The following EIF2AK1 variants were observed in gnomAD, a reference collection of about 807,000 sequenced individuals.
EIF2AK1 encodes the protein eukaryotic translation initiation factor 2-alpha kinase 1.
A neutral mutation model predicts 77.9 loss-of-function variants in EIF2AK1; 54 were observed. The ratio of observed to expected loss-of-function variants is 0.69; its 90% CI spans 0.56 to 0.87. EIF2AK1 has a LOEUF of 0.87. Among genes scored for constraint, EIF2AK1 ranks in the 40% least tolerant of loss-of-function variants. The probability of loss-of-function intolerance (pLI) is 0.00; values close to 1 mark genes in which losing one functional copy is unlikely to be tolerated. For synonymous variants in EIF2AK1, 314 were observed against 290.5 expected (o/e 1.08, Z -0.82); for missense variants, 810 against 768.6 (o/e 1.05, Z -0.64).
chr7:6,058,805 C>T (rs1788867701), intron 1 of EIF2AK1, among the ~76,000 whole-genome samples, 161 bp downstream of exon 1: 1 of 152,248 alleles, frequency 6.6e-6, no homozygotes, highest in Admixed American at 6.5e-5. Flanking sequence ...GACGGCCCGC[C>T]CGCCGCCCCC....
rs1298137075 is a variant in EIF2AK1 at position 6,035,361 on chromosome 7, A to T, written c.1332+2063T>A. The T allele has an allele frequency of 7.9e-7, 1 of 1,266,402 alleles. No individual in the cohort carries two copies. Among genetic ancestry groups the T allele is most frequent in the African/African-American group, 1.5e-5 (1 of 66,406 alleles). 78.4% of individuals were successfully genotyped at this position (1,266,402 alleles called of 1,614,324 possible). ...TTGAAGGGTCTTACTTTAAATAAAT[A>T]CTGGCTTCTTAAGCATTAACTGTCC... is the stretch of plus-strand genomic sequence containing the variant. On this transcript the variant is annotated intron_variant, in intron 11 of 14. Coordinates refer to ENST00000199389, the MANE Select transcript of EIF2AK1 (RefSeq NM_014413.4). The surrounding 1 kb of genome is among the most constrained non-coding windows in gnomAD (Gnocchi z 5.5).
Position 6,046,105 on chromosome 7 carries a change from A to G in EIF2AK1, c.596T>C (p.Leu199Pro). The G allele has an allele frequency of 6.4e-7, 1 of 1,572,426 alleles. No individual in the cohort carries two copies. Among genetic ancestry groups the G allele is most frequent in the Non-Finnish European group, 8.6e-7 (1 of 1,162,362 alleles). ...DGQYYAIKKI[L>P]IKGATKTVCM... ...AACTGTTTTAGTTGCACCCTTAATC[A>G]GGATTTTTTTTATTGCATAATACTG... is the stretch of plus-strand genomic sequence containing the variant. Residue 199 changes from leucine (L) to proline (P), a missense_variant, in exon 6 of 15, where the codon CTG becomes CCG. By Grantham distance (98) the Leu-to-Pro change is moderately conservative. Around this residue, in one of 3 missense-constraint regions of EIF2AK1, gnomAD observed 549 missense variants for 533.7 expected, o/e 1.03. Transcript: ENST00000199389.
Position 6,032,012 on chromosome 7 carries a change from A to G in EIF2AK1, c.1333-2980T>C, listed in dbSNP as rs1787925983. Reference sequence around the variant, plus strand: ...AGCAGGGCAAAACCCCGTCTCTACTAAAAATACAAAAATTAGCCGGGCTTG... The same window carrying G: ...AGCAGGGCAAAACCCCGTCTCTACTGAAAATACAAAAATTAGCCGGGCTTG... On this transcript the variant is annotated intron_variant, in intron 11 of 14. Coordinates refer to ENST00000199389, the MANE Select transcript of EIF2AK1 (RefSeq NM_014413.4). This position sits in a 1 kb window ranked among gnomAD's most constrained non-coding sequence, Gnocchi z 4.3. Among the ~76,000 whole-genome samples, 1 of 152,086 alleles carries G rather than the reference A, an allele frequency of 6.6e-6. No individual in the cohort carries two copies. Among genetic ancestry groups the G allele is most frequent in the Admixed American group, 6.6e-5 (1 of 15,254 alleles).
Position 6,047,320 on chromosome 7 carries a change from A to G in EIF2AK1, c.450-229T>C, listed in dbSNP as rs547437643. 941 of 615,872 alleles carry G rather than the reference A, an allele frequency of 1.5e-3. 2 individuals are homozygous for G. The highest frequency in any genetic ancestry group is 3.5e-3 in the Middle Eastern group (12 of 3,412). 38.2% of individuals were successfully genotyped at this position (615,872 alleles called of 1,614,324 possible). A position where few individuals can be genotyped will look rare whatever the true frequency, so the allele number is the denominator to read the frequency against. ...GTAGAAATTATTACCGATGTTGTAC[A>G]GCAGAAATCCTAAGAATCACTAACA... On this transcript the variant is annotated intron_variant, in intron 4 of 14. Transcript: ENST00000199389.
intron 10 of EIF2AK1, among the ~76,000 whole-genome samples, chr7:6,038,114 G>T (rs894029588): frequency 6.6e-6 from 1 of 152,094 alleles, no homozygotes; most frequent in Non-Finnish European, 1.5e-5. Flanking sequence ...AGGTTTTACA[G>T]GACTAACACA....
At chr7:6,050,679 T>C (rs1788584300) in intron 2 of EIF2AK1, among the ~76,000 whole-genome samples, 1 of 149,780 alleles carries the variant, frequency 6.7e-6, no homozygotes, top group Admixed American at 6.8e-5. Context: ...CTCGGCTCAC[T>C]GCAAGCTCTG....
chr7:6,031,335 T>C (rs1787904386), intron 11 of EIF2AK1: 2 of 1,524,342 alleles, frequency 1.3e-6, no homozygotes, highest in Non-Finnish European at 1.8e-6. Context: ...AACTGACCAA[T>C]TCCATAACAA....
Position 6,027,162 on chromosome 7 carries a change from C to T in EIF2AK1, c.1531-201G>A, listed in dbSNP as rs1394458989. Among the ~76,000 whole-genome samples the T allele has an allele frequency of 6.6e-6, 1 of 152,142 alleles. No homozygotes were observed. The highest frequency in any genetic ancestry group is 1.5e-5 in the Non-Finnish European group (1 of 68,030). On this transcript the variant is annotated intron_variant, in intron 13 of 14. Transcript: ENST00000199389. This position sits in a 1 kb window ranked among gnomAD's most constrained non-coding sequence, Gnocchi z 4.5. ...TCAAAAAGGGGCATCCGTGGGCACG[C>T]AGAATGGATGGTCAGGTGGAGGGCA...
At position 6,031,644 on chromosome 7, in the gene EIF2AK1, A is replaced by G. The variant is rs1290018755; in HGVS notation, c.1333-2612T>C. The G allele has an allele frequency of 2.0e-6, 3 of 1,523,216 alleles. No homozygotes were observed. In the Admixed American group the frequency reaches 5.9e-5, roughly 30 times the overall value. 94.4% of individuals were successfully genotyped at this position (1,523,216 alleles called of 1,614,324 possible). On this transcript the variant is annotated intron_variant, in intron 11 of 14. Coordinates refer to ENST00000199389, the MANE Select transcript of EIF2AK1 (RefSeq NM_014413.4). ...TGGAAAAAAGTCAGGCTGCTTAGAA[A>G]GAAGCATGATCTAAAGCTGGTGAAC...
In EIF2AK1 at chr7:6,023,731, T is replaced by G; in HGVS notation, c.*942A>C. 6.2e-7 allele frequency: 1 copy of G among 1,614,084 alleles called. No homozygotes were observed. The highest frequency in any genetic ancestry group is 8.5e-7 in the Non-Finnish European group (1 of 1,179,980). On this transcript the variant is annotated 3_prime_UTR_variant, in exon 15 of 15. Coordinates refer to ENST00000199389, the MANE Select transcript of EIF2AK1 (RefSeq NM_014413.4). ...TTTTAAAGGGTTTAGATTTTAAGAATGGTGCTCTTTCATGCCTATTATCAG... is the reference window on the plus strand; with the variant it reads ...TTTTAAAGGGTTTAGATTTTAAGAAGGGTGCTCTTTCATGCCTATTATCAG...
In EIF2AK1 at chr7:6,022,733, A is replaced by G. The variant is rs1787519510; in HGVS notation, c.*1940T>C. ...GAAGGGGGTTCTGTCCAACCAGGCA[A>G]AGCGGGGAGTCATGGCTATCACAGC... On this transcript the variant is annotated 3_prime_UTR_variant, in exon 15 of 15. Transcript: ENST00000199389. The G allele has an allele frequency of 6.6e-6, 1 of 152,512 alleles. No individual in the cohort carries two copies. The highest frequency in any genetic ancestry group is 1.5e-5 in the Non-Finnish European group (1 of 68,304). The allele number at this position is 152,512 out of a possible 1,614,324, so 9.4% of individuals were successfully genotyped here.
At chr7:6,029,458 A>C (rs1231518350) in intron 11 of EIF2AK1, among the ~76,000 whole-genome samples, 2 of 151,406 alleles carry the variant, frequency 1.3e-5, no homozygotes, top group Admixed American at 6.6e-5. Context: ...GTGGCATTGC[A>C]CTCCAGCCTG....
rs147927131 is a variant in EIF2AK1 at position 6,055,951 on chromosome 7, C to G, written c.119-1247G>C. Among the ~76,000 whole-genome samples the G allele has an allele frequency of 7.8e-3, 1,088 of 139,228 alleles. 12 individuals carry two copies. Among genetic ancestry groups the G allele is most frequent in the African/African-American group, 0.028 (1,009 of 36,048 alleles). The allele number at this position is 139,228 out of a possible 152,430, so 91.3% of individuals were successfully genotyped here. A position where few individuals can be genotyped will look rare whatever the true frequency, so the allele number is the denominator to read the frequency against. ...TGAGCTGAGATCGTGCCATTGCACT[C>G]CAGCCTGGGCAACAAAGTGAAACTC... On this transcript the variant is annotated intron_variant, in intron 1 of 14. Transcript: ENST00000199389.
chr7:6,041,023 A>C lies in EIF2AK1; in HGVS notation c.988T>G (p.Leu330Val). Residue 330 changes from leucine to valine, a missense_variant, in exon 9 of 15, where the codon TTG (leucine) becomes GTG (valine). Transcript: ENST00000199389. ...ATTGAACTGGCAGACAAACCAGCCA[A>C]GCCATTTTCCTGGAGCTCCAGGGTC... ...ESTLELQENG[L>V]AGLSASSIVE... 6.2e-7 allele frequency: 1 copy of C among 1,614,188 alleles called. No homozygotes were observed. The highest frequency in any genetic ancestry group is 2.2e-5 in the East Asian group (1 of 44,892).
In EIF2AK1 at chr7:6,041,150, T is replaced by C; in HGVS notation, c.861A>G (p.Glu287=). 1.9e-6 allele frequency: 3 copies of C among 1,614,154 alleles called. No individual in the cohort carries two copies. Among genetic ancestry groups the C allele is most frequent in the Non-Finnish European group, 2.5e-6 (3 of 1,180,026 alleles). The change falls in exon 9 of 15, where the codon GAA becomes GAG. Residue 287 remains glutamate (E), a synonymous_variant. Coordinates refer to ENST00000199389, the MANE Select transcript of EIF2AK1 (RefSeq NM_014413.4). Reference sequence around the variant, plus strand: ...CAGATTCTCCAAAGCGTTTTTCTTTTTCTGGGGTGGGCTCAGCAAAGATAA... The same window carrying C: ...CAGATTCTCCAAAGCGTTTTTCTTTCTCTGGGGTGGGCTCAGCAAAGATAA... The part of the protein sequence containing the change: ...SSIIFAEPTP[E]KEKRFGESDT...
intron 1 of EIF2AK1, among the ~76,000 whole-genome samples, chr7:6,055,924 G>C (rs1203550053): frequency 7.8e-6 from 1 of 128,998 alleles, no homozygotes; most frequent in African/African-American, 3.0e-5. Context: ...CAGAGGTTGA[G>C]ATGAGCTGAG....
In EIF2AK1 at chr7:6,024,086, C is replaced by G; in HGVS notation, c.*587G>C. The G allele has an allele frequency of 7.7e-7, 1 of 1,300,930 alleles. No individual in the cohort carries two copies. Among genetic ancestry groups the G allele is most frequent in the Non-Finnish European group, 1.0e-6 (1 of 997,194 alleles). 80.6% of individuals were successfully genotyped at this position (1,300,930 alleles called of 1,614,324 possible). A position where few individuals can be genotyped will look rare whatever the true frequency, so the allele number is the denominator to read the frequency against. On this transcript the variant is annotated 3_prime_UTR_variant, in exon 15 of 15. Coordinates refer to ENST00000199389, the MANE Select transcript of EIF2AK1 (RefSeq NM_014413.4). The stretch of plus-strand genomic sequence containing the variant: ...CTGGGGTGCGGAGTACAAAGCTTTG[C>G]AAGGGTGTGGTTTTGGAATGACGCT...
At chr7:6,054,492 C>T (rs1450681117) in intron 2 of EIF2AK1, 54 bp downstream of exon 2, 19 of 1,595,594 alleles carry the variant, frequency 1.2e-5, no homozygotes, top group South Asian at 4.4e-5. Context: ...GCATGAACCA[C>T]GGAGCCCAGC....
chr7:6,037,906 G>A (rs890184753), intron 10 of EIF2AK1, among the ~76,000 whole-genome samples: 3 of 151,302 alleles, frequency 2.0e-5, no homozygotes, highest in South Asian at 2.1e-4. Flanking sequence ...TAATAAATCT[G>A]GTATCCTAGC....
Sources: allele counts gnomAD v4.1 joint callset (sites outside exome capture counted in the v4.1 genomes callset), GRCh38; gene constraint gnomAD v4.1.1; regional missense constraint gnomAD v4.1.1; non-coding constraint Gnocchi (gnomAD v3.1); transcripts MANE v1.5; gene names NCBI Gene and HGNC (gene_info 2026-07-23, HGNC 2026-07-21).